Variants in OSBPL7 observed in about 807,000 individuals in gnomAD.
OSBPL7 encodes the protein oxysterol binding protein like 7.
OSBPL7 carries 66 observed loss-of-function variants against 115.8 expected under a neutral mutation model. The ratio of observed to expected loss-of-function variants is 0.57; its 90% CI spans 0.47 to 0.70. The LOEUF is 0.70. Ranked by LOEUF, OSBPL7 falls within the 30% of genes least tolerant of loss-of-function variation. The pLI is 0.00. For synonymous variants in OSBPL7, 441 were observed against 439.2 expected (o/e 1.00, Z -0.05); for missense variants, 902 against 1,125.5 (o/e 0.80, Z 2.84).
chr17:47,818,917 GC>G, intron 5 of OSBPL7, 68 bp downstream of exon 5: 1 of 1,339,226 alleles, frequency 7.5e-7, no homozygotes, highest in Non-Finnish European at 1.1e-6. Flanking sequence ...CTCAGCCCCT[GC>G]CCCTGTGTGT....
At chr17:47,813,058 C>T (rs555941010) in intron 16 of OSBPL7, among the ~76,000 whole-genome samples, 3 of 152,346 alleles carry the variant, frequency 2.0e-5, no homozygotes, top group African/African-American at 7.2e-5. Context: ...AGATTGCCCC[C>T]TAAAGCGTGA....
At chr17:47,811,339 C>A (rs2033035504) in intron 16 of OSBPL7, among the ~76,000 whole-genome samples, 1 of 152,170 alleles carries the variant, frequency 6.6e-6, no homozygotes, top group East Asian at 1.9e-4. Context: ...TGCCTTGCCT[C>A]TCTCTCCGTT....
intron 15 of OSBPL7, 38 bp from the exon 16 acceptor site, chr17:47,813,441 G>T (rs2033107836): frequency 6.2e-7 from 1 of 1,611,778 alleles, no homozygotes; most frequent in East Asian, 2.2e-5. Flanking sequence ...ACTGAGGACG[G>T]GGCCGCCACC....
At chr17:47,817,402 T>C (rs1285249194) in intron 7 of OSBPL7, 43 bp from the exon 8 acceptor site, 1 of 1,446,984 alleles carries the variant, frequency 6.9e-7, no homozygotes, top group South Asian at 1.2e-5. Flanking sequence ...ATTCATTTTT[T>C]TTTTGAGACG....
chr17:47,810,560 C>A, intron 18 of OSBPL7, 34 bp downstream of exon 18: 1 of 1,585,982 alleles, frequency 6.3e-7, no homozygotes, highest in African/African-American at 1.3e-5. Context: ...TTGCCTGTGG[C>A]TTGGCCTGGC....
rs1366562306 is a variant in OSBPL7, at chr17:47,818,375, G to T, written c.492C>A (p.Ala164=). The change falls in exon 7 of 23, where the codon GCC becomes GCA. Residue 164 remains alanine, a synonymous_variant. Coordinates refer to ENST00000007414, the MANE Select transcript of OSBPL7 (RefSeq NM_145798.3). The part of the protein sequence containing the change: ...PSTAHRKVPG[A]QLPTAATASA... ...AGGCAGTAGCTGCTGTTGGAAGCTG[G>T]GCACCAGGAACCTGTGGGGTGAGCC... 3 of 1,613,776 alleles carry T rather than the reference G, an allele frequency of 1.9e-6. No individual in the cohort carries two copies. Among genetic ancestry groups the T allele is most frequent in the South Asian group, 1.1e-5 (1 of 91,034 alleles).
rs769692219 is a variant in OSBPL7, at chr17:47,813,848, G to C, written c.1352-14C>G. ...GAACACACCCCCCTGGGGCCGCCCT[G>C]CCATGTCACTCTCCATCTGGGCACC... is the stretch of plus-strand genomic sequence containing the variant. On this transcript the variant is annotated splice_polypyrimidine_tract_variant and intron_variant, in intron 14 of 22. Transcript: ENST00000007414. 88 of 1,597,410 alleles carry C rather than the reference G, an allele frequency of 5.5e-5. No homozygotes were observed. The highest frequency in any genetic ancestry group is 7.1e-5 in the Non-Finnish European group (83 of 1,174,966).
intron 7 of OSBPL7, among the ~76,000 whole-genome samples, chr17:47,818,030 G>C (rs890466889): frequency 6.6e-6 from 1 of 152,144 alleles, no homozygotes; most frequent in Admixed American, 6.5e-5. Context: ...CTCAGTATCT[G>C]CTTTGTCACA....
At position 47,819,101 on chromosome 17, in the gene OSBPL7, T is replaced by TG; in HGVS notation, c.256-3dup. The TG allele has an allele frequency of 6.2e-7, 1 of 1,612,762 alleles. No homozygotes were observed. The highest frequency in any genetic ancestry group is 8.5e-7 in the Non-Finnish European group (1 of 1,178,842). On this transcript the variant is annotated splice_region_variant and splice_polypyrimidine_tract_variant and intron_variant, in intron 4 of 22. Coordinates refer to ENST00000007414, the MANE Select transcript of OSBPL7 (RefSeq NM_145798.3). ...GCCATGGAGCTTCCCCTTGGTGATC[T>TG]GGGGGTGAAGTGTTGGTAGAGGGAG...
At chr17:47,817,001 T>C (rs996220044) in intron 8 of OSBPL7, 129 bp from the exon 9 acceptor site, 4 of 925,928 alleles carry the variant, frequency 4.3e-6, no homozygotes, top group Non-Finnish European at 5.2e-6. Flanking sequence ...GCACAGAGGA[T>C]GCGGCCGCTC....
At position 47,817,370 on chromosome 17, in the gene OSBPL7, A is replaced by AAGAAC. The variant is rs773271718; in HGVS notation, c.599-12_599-11insGTTCT. The AAGAAC allele has an allele frequency of 1.4e-4, 223 of 1,575,608 alleles. 3 individuals are homozygous for AAGAAC. In the East Asian group the frequency reaches 4.9e-3, roughly 35 times the overall value. ...GACACTCAGAGAGCTCTGCGGGGAAAAAGAACAAGAACAAGAACACCATTC... is the reference window on the plus strand; with the variant it reads ...GACACTCAGAGAGCTCTGCGGGGAAAAGAACAAGAACAAGAACAAGAACACCATTC... On this transcript the variant is annotated splice_polypyrimidine_tract_variant and intron_variant, in intron 7 of 22. Transcript: ENST00000007414.
chr17:47,818,686 G>A lies in OSBPL7; in HGVS notation c.370-70C>T, dbSNP rs539681784. 710 of 1,326,762 alleles carry A rather than the reference G, an allele frequency of 5.4e-4. 12 individuals carry two copies. The South Asian group carries it at 8.1e-3, about 15-fold the overall frequency. The allele number at this position is 1,326,762 out of a possible 1,614,324, so 82.2% of individuals were successfully genotyped here. On this transcript the variant is annotated intron_variant, in intron 5 of 22. Transcript: ENST00000007414. ...CCACTTTCCAAGAGCAAGAAGTCAG[G>A]GCTCTGGTCCCCAGACAAGCAGGGT...
rs73988847 is a variant in OSBPL7 at position 47,810,871 on chromosome 17, C to G, written c.1738-36G>C. ...AAAGAAGTTATCTTGAGGCTGTCCC[C>G]GAGCACCATTAGGCTACCCCAAAGT... On this transcript the variant is annotated intron_variant, in intron 16 of 22. Coordinates refer to ENST00000007414, the MANE Select transcript of OSBPL7 (RefSeq NM_145798.3). 3,685 of 1,601,956 alleles carry G rather than the reference C, an allele frequency of 2.3e-3. 80 individuals are homozygous for G. In the African/African-American group the frequency reaches 0.043, roughly 18 times the overall value.
intron 1 of OSBPL7, 127 bp from the exon 2 acceptor site, chr17:47,820,492 C>CT (rs140074665): frequency 1.8e-6 from 1 of 563,716 alleles, no homozygotes; most frequent in African/African-American, 1.9e-5. Context: ...AAGCCTCTCC[C>CT]AAGTCTGCCC....
At position 47,813,677 on chromosome 17, in the gene OSBPL7, C is replaced by T. The variant is rs748459434; in HGVS notation, c.1509G>A (p.Pro503=). 2.5e-5 allele frequency: 40 copies of T among 1,613,230 alleles called. No homozygotes were observed. The highest frequency in any genetic ancestry group is 1.8e-4 in the East Asian group (8 of 44,896). The stretch of plus-strand genomic sequence containing the variant: ...CGCAGAGCCGCTGCAGAGTGTTGAG[C>T]GGCTCGTTGAGCTGCACAGGCATTG... ...KVSMPVQLNE[P]LNTLQRLCEE... The change falls in exon 15 of 23, where the codon CCG becomes CCA. Residue 503 remains proline, a synonymous_variant. Transcript: ENST00000007414.
intron 8 of OSBPL7, 164 bp from the exon 9 acceptor site, chr17:47,817,036 C>G: frequency 1.3e-6 from 1 of 748,410 alleles, no homozygotes; most frequent in South Asian, 1.7e-5. Flanking sequence ...AGACAACTGA[C>G]ATCCCAGTGG....
intron 16 of OSBPL7, among the ~76,000 whole-genome samples, chr17:47,811,718 C>CG (rs1279188440): frequency 1.3e-5 from 2 of 152,206 alleles, no homozygotes. Context: ...TTCTGTCTGG[C>CG]GGCAGTCAGC....
chr17:47,810,937 C>T lies in OSBPL7; in HGVS notation c.1738-102G>A, dbSNP rs1348140199. 4.3e-6 allele frequency: 5 copies of T among 1,165,694 alleles called. No homozygotes were observed. The African/African-American group carries it at 7.6e-5, about 18-fold the overall frequency. 72.2% of individuals were successfully genotyped at this position (1,165,694 alleles called of 1,614,324 possible). ...CTAGTTCCCCTAAGTACCACAAGAC[C>T]AGTTGGTTCCAGGTTTCCTGTCCCT... is the stretch of plus-strand genomic sequence containing the variant. On this transcript the variant is annotated intron_variant, in intron 16 of 22. Transcript: ENST00000007414.
In OSBPL7 at chr17:47,820,060, C is replaced by G. The variant is rs1250416858; in HGVS notation, c.112G>C (p.Val38Leu). The change falls in exon 3 of 23, where the codon GTC becomes CTC. Residue 38 changes from valine to leucine, a missense_variant. Transcript: ENST00000007414. ...ATGACACCCTCTGTCCCCAGCCTGA[C>G]CCGAGGCTCCTCCACCACCTCCCAC... is the stretch of plus-strand genomic sequence containing the variant. ...ELWEVVEEPRVRLGTEGVMPE... is the reference protein window; with the variant it reads ...ELWEVVEEPRLRLGTEGVMPE... 7 of 1,612,558 alleles carry G rather than the reference C, an allele frequency of 4.3e-6. No homozygotes were observed. The highest frequency in any genetic ancestry group is 5.9e-6 in the Non-Finnish European group (7 of 1,179,978).
Sources: gnomAD v4.1 joint callset for allele counts (sites outside exome capture counted in the v4.1 genomes callset) on GRCh38, gnomAD v4.1.1 for gene constraint, MANE v1.5 for transcripts, NCBI Gene and HGNC (gene_info 2026-07-23, HGNC 2026-07-21) for gene names.